Variants in ZNF791 observed in about 807,000 individuals in gnomAD.
The protein encoded by ZNF791 is zinc finger protein 791.
ZNF791 carries 4 observed loss-of-function variants against 11.5 expected under a neutral mutation model. The ratio of observed to expected loss-of-function variants is 0.35; its 90% CI spans 0.17 to 0.80. The LOEUF (loss-of-function observed/expected upper bound fraction) is 0.80. Among genes scored for constraint, ZNF791 ranks in the 30% least tolerant of loss-of-function variants. ZNF791 has a pLI of 0.53. For missense variants in ZNF791, 559 were observed against 699.4 expected (o/e 0.80, Z 2.26); for synonymous variants, 212 against 228.1 (o/e 0.93, Z 0.64).
chr19:12,617,900 G>A (rs2023270182), intron 1 of ZNF791, among the ~76,000 whole-genome samples: 1 of 147,334 alleles, frequency 6.8e-6, no homozygotes, highest in Non-Finnish European at 1.5e-5. Flanking sequence ...GCCACATACA[G>A]GGCTAAATTT....
intron 1 of ZNF791, among the ~76,000 whole-genome samples, chr19:12,613,363 C>T (rs888733907): frequency 9.2e-5 from 14 of 151,884 alleles, no homozygotes; most frequent in Non-Finnish European, 1.9e-4. Flanking sequence ...GGGCGGATCA[C>T]GAGGTCAGGA....
chr19:12,617,263 T>G (rs1599321401), intron 1 of ZNF791, among the ~76,000 whole-genome samples: 1 of 151,740 alleles, frequency 6.6e-6, no homozygotes, highest in Non-Finnish European at 1.5e-5. Flanking sequence ...GTAGCTGGGA[T>G]TACAGGCACG....
intron 1 of ZNF791, among the ~76,000 whole-genome samples, chr19:12,614,958 G>A (rs1430144825): frequency 2.6e-5 from 3 of 115,356 alleles, no homozygotes; most frequent in Non-Finnish European, 3.4e-5. Flanking sequence ...TGCCCAAGCT[G>A]GTCTGGAACT....
At chr19:12,614,593 C>CT (rs369598648) in intron 1 of ZNF791, among the ~76,000 whole-genome samples, 280 of 126,130 alleles carry the variant, frequency 2.2e-3, no homozygotes, top group East Asian at 3.5e-3. Context: ...ATATGTTTAA[C>CT]TTTTTTTTTT....
At chr19:12,617,705 A>C (rs2023265746) in intron 1 of ZNF791, among the ~76,000 whole-genome samples, 1 of 149,140 alleles carries the variant, frequency 6.7e-6, no homozygotes, top group South Asian at 2.1e-4. Flanking sequence ...AATTAAACCC[A>C]GTTGTTGCCT....
At chr19:12,624,298 G>T (rs555894902) in intron 2 of ZNF791, among the ~76,000 whole-genome samples, 30 of 150,874 alleles carry the variant, frequency 2.0e-4, no homozygotes, top group African/African-American at 7.1e-4. Flanking sequence ...GATTACAGGT[G>T]CCCACCACCA....
Position 12,611,027 on chromosome 19 carries a change from C to T in ZNF791, c.-53C>T, listed in dbSNP as rs2023147310. On this transcript the variant is annotated 5_prime_UTR_variant, in exon 1 of 4. Coordinates refer to ENST00000343325, the MANE Select transcript of ZNF791 (RefSeq NM_153358.3). ...CCTGCATCGGATGCGCTGTACCCTGCGCTGGCTCCGTGAACCTTAGGGACA... is the reference window on the plus strand; with the variant it reads ...CCTGCATCGGATGCGCTGTACCCTGTGCTGGCTCCGTGAACCTTAGGGACA... 4 of 1,613,722 alleles carry T rather than the reference C, an allele frequency of 2.5e-6. No homozygotes were observed. Among genetic ancestry groups the T allele is most frequent in the Non-Finnish European group, 3.4e-6 (4 of 1,179,706 alleles).
At chr19:12,620,124 C>T (rs1449435846) in intron 1 of ZNF791, among the ~76,000 whole-genome samples, 1 of 151,638 alleles carries the variant, frequency 6.6e-6, no homozygotes, top group South Asian at 2.1e-4. Context: ...AGGATGGTCT[C>T]GATCTTCTGA....
intron 1 of ZNF791, chr19:12,623,449 T>G: frequency 1.1e-5 from 5 of 446,680 alleles, no homozygotes; most frequent in African/African-American, 2.1e-5. Flanking sequence ...ATTTGTCTCA[T>G]TTGTGTAGGA....
rs57575424 is a variant in ZNF791, at chr19:12,614,892, C to CTTTTTTTTTTTTTTTTT, written c.3+3829_3+3845dup. On this transcript the variant is annotated intron_variant, in intron 1 of 3. Transcript: ENST00000343325. ...ACAGGTGTGAGCCACTGCGTCCGGC[C>CTTTTTTTTTTTTTTTTT]TTTTTTTTTTTTTTTTTTTTTTTTT... 1.2e-3 allele frequency among the ~76,000 whole-genome samples: 21 copies of CTTTTTTTTTTTTTTTTT among 17,560 alleles called. 5 individuals carry two copies. The highest frequency in any genetic ancestry group is 3.6e-3 in the Admixed American group (3 of 826). The allele number at this position is 17,560 out of a possible 152,430, so 11.5% of individuals were successfully genotyped here.
In ZNF791 at chr19:12,630,625, T is replaced by G. The variant is rs2023491874; in HGVS notation, c.*1365T>G. The G allele has an allele frequency of 1.3e-5, 2 of 152,198 alleles. 1 individual carries two copies. Among genetic ancestry groups the G allele is most frequent in the South Asian group, 4.1e-4 (2 of 4,830 alleles). 9.4% of individuals were successfully genotyped at this position (152,198 alleles called of 1,614,324 possible). On this transcript the variant is annotated 3_prime_UTR_variant, in exon 4 of 4. Transcript: ENST00000343325. Reference sequence around the variant, plus strand: ...AGATATTCCCGGAAAAACTTTGTTATGATAGGCGATGACGGCTCCATGTGC... The same window carrying G: ...AGATATTCCCGGAAAAACTTTGTTAGGATAGGCGATGACGGCTCCATGTGC...
At position 12,629,316 on chromosome 19, in the gene ZNF791, A is replaced by G; in HGVS notation, c.*56A>G. 1 of 1,342,218 alleles carries G rather than the reference A, an allele frequency of 7.5e-7. No individual in the cohort carries two copies. The highest frequency in any genetic ancestry group is 9.9e-7 in the Non-Finnish European group (1 of 1,013,122). The allele number at this position is 1,342,218 out of a possible 1,614,324, so 83.1% of individuals were successfully genotyped here. The stretch of plus-strand genomic sequence containing the variant: ...GTTTTCAATTCTAACAGATGCTTTC[A>G]AAGTTGTGAAAATTCCCACTGAAGA... On this transcript the variant is annotated 3_prime_UTR_variant, in exon 4 of 4. Coordinates refer to ENST00000343325, the MANE Select transcript of ZNF791 (RefSeq NM_153358.3).
chr19:12,629,374 G>A lies in ZNF791; in HGVS notation c.*114G>A. 1 of 787,024 alleles carries A rather than the reference G, an allele frequency of 1.3e-6. No individual in the cohort carries two copies. Among genetic ancestry groups the A allele is most frequent in the Non-Finnish European group, 1.9e-6 (1 of 539,200 alleles). 48.8% of individuals were successfully genotyped at this position (787,024 alleles called of 1,614,324 possible). On this transcript the variant is annotated 3_prime_UTR_variant, in exon 4 of 4. Transcript: ENST00000343325. The stretch of plus-strand genomic sequence containing the variant: ...CCTGTCAATGTAAGTAATATAGAAA[G>A]CGAGATACAAGATGATTCATGTATA...
rs1319217203 is a variant in ZNF791, at chr19:12,621,753, T to C, written c.4-1947T>C. ...CCCCCCTGCCCGGCCAGCCGCCCCGTCCGGGAGGGAGGTGGGGGGGGTCAG... is the reference window on the plus strand; with the variant it reads ...CCCCCCTGCCCGGCCAGCCGCCCCGCCCGGGAGGGAGGTGGGGGGGGTCAG... On this transcript the variant is annotated intron_variant, in intron 1 of 3. Coordinates refer to ENST00000343325, the MANE Select transcript of ZNF791 (RefSeq NM_153358.3). Among the ~76,000 whole-genome samples, 6 of 117,140 alleles carry C rather than the reference T, an allele frequency of 5.1e-5. 1 individual carries two copies. The highest frequency in any genetic ancestry group is 7.5e-5 in the Non-Finnish European group (4 of 53,186). 76.8% of individuals were successfully genotyped at this position (117,140 alleles called of 152,430 possible).
intron 1 of ZNF791, among the ~76,000 whole-genome samples, chr19:12,617,121 TTTC>T (rs895584706): frequency 7.3e-5 from 11 of 151,572 alleles, no homozygotes; most frequent in African/African-American, 2.4e-4. Flanking sequence ...ATTTTTCTTT[TTTC>T]TTCTTTTTTT....
At position 12,611,154 on chromosome 19, in the gene ZNF791, C is replaced by A. The variant is rs549641193; in HGVS notation, c.3+72C>A. 20 of 1,597,052 alleles carry A rather than the reference C, an allele frequency of 1.3e-5. No homozygotes were observed. The East Asian group carries it at 4.5e-4, about 36-fold the overall frequency. On this transcript the variant is annotated intron_variant, in intron 1 of 3. Transcript: ENST00000343325. ...ACCCGGGCCTCCCCACGGTCACCTCCGGCCGCAGTGTGGGGCTGGGCTGGC... is the reference window on the plus strand; with the variant it reads ...ACCCGGGCCTCCCCACGGTCACCTCAGGCCGCAGTGTGGGGCTGGGCTGGC...
In ZNF791 at chr19:12,633,504, GT is replaced by G. The variant is rs1832683424; in HGVS notation, c.*4246del. On this transcript the variant is annotated 3_prime_UTR_variant, in exon 4 of 4. Transcript: ENST00000343325. ...AGCCTGCTTCCTGCTCATTTTCCTGGTTATTTTCTCTGCCAATCAAAAGTAT... is the reference window on the plus strand; with the variant it reads ...AGCCTGCTTCCTGCTCATTTTCCTGGTATTTTCTCTGCCAATCAAAAGTAT... The G allele has an allele frequency of 1.3e-5, 2 of 152,104 alleles. No individual in the cohort carries two copies. The allele number at this position is 152,104 out of a possible 1,614,324, so 9.4% of individuals were successfully genotyped here. A position where few individuals can be genotyped will look rare whatever the true frequency, so the allele number is the denominator to read the frequency against.
chr19:12,611,438 T>C (rs1422747852), intron 1 of ZNF791, among the ~76,000 whole-genome samples: 12 of 152,050 alleles, frequency 7.9e-5, no homozygotes, highest in Admixed American at 7.9e-4. Context: ...AAGCAGAGTC[T>C]CAAATCCACT....
intron 1 of ZNF791, chr19:12,623,460 T>G: frequency 2.1e-6 from 1 of 475,012 alleles, no homozygotes; most frequent in Non-Finnish European, 3.7e-6. Context: ...TTGTGTAGGA[T>G]TTCTTTCATT....
Sources: gnomAD v4.1 joint callset for allele counts (sites outside exome capture counted in the v4.1 genomes callset) on GRCh38, gnomAD v4.1.1 for gene constraint, MANE v1.5 for transcripts, NCBI Gene and HGNC (gene_info 2026-07-23, HGNC 2026-07-21) for gene names.